DUOX1: variants seen among roughly 807,000 people sequenced by gnomAD.
The protein encoded by DUOX1 is NADPH thyroid oxidase 1.
A neutral mutation model predicts 181.8 loss-of-function variants in DUOX1; 134 were observed. That is an observed-to-expected ratio of 0.74 (90% confidence interval 0.64 to 0.85). The LOEUF is 0.85. Among genes scored for constraint, DUOX1 ranks in the 40% least tolerant of loss-of-function variants. DUOX1 has a pLI of 0.00. For synonymous variants in DUOX1, 798 were observed against 832.5 expected (o/e 0.96, Z 0.71); for missense variants, 1,814 against 2,064.4 (o/e 0.88, Z 2.35).
chr15:45,133,860 A>G lies in DUOX1; in HGVS notation c.59-4A>G, dbSNP rs1355669107. ...AGCTGCCCCTTCCCTCCATTCTCAC[A>G]CAGGAGCTCAGAACCCCATTTCGTG... is the stretch of plus-strand genomic sequence containing the variant. On this transcript the variant is annotated splice_polypyrimidine_tract_variant and splice_region_variant and intron_variant, in intron 2 of 33. Transcript: ENST00000389037. 1.2e-6 allele frequency: 2 copies of G among 1,613,102 alleles called. No homozygotes were observed. Among genetic ancestry groups the G allele is most frequent in the Non-Finnish European group, 1.7e-6 (2 of 1,179,658 alleles).
chr15:45,145,680 C>T (rs935818645), intron 18 of DUOX1, among the ~76,000 whole-genome samples: 9 of 151,950 alleles, frequency 5.9e-5, no homozygotes, highest in African/African-American at 1.7e-4. Flanking sequence ...CTTTGGGAGG[C>T]GGGGCAGGTG....
intron 15 of DUOX1, among the ~76,000 whole-genome samples, chr15:45,142,767 A>AAGGAAGGAAG (rs1896535782): frequency 1.7e-5 from 2 of 115,158 alleles, no homozygotes; most frequent in Non-Finnish European, 3.8e-5. Context: ...AAGGAAGGAA[A>AAGGAAGGAAG]GAAGGAAGGA....
At chr15:45,130,691 G>A (rs947070439) in intron 1 of DUOX1, among the ~76,000 whole-genome samples, 2 of 152,208 alleles carry the variant, frequency 1.3e-5, no homozygotes, top group African/African-American at 4.8e-5. Flanking sequence ...CACAAGGAGT[G>A]GTTATTAAGC....
Position 45,161,725 on chromosome 15 carries a change from C to T in DUOX1, c.3857-13C>T, listed in dbSNP as rs1430963434. 1 of 1,612,000 alleles carries T rather than the reference C, an allele frequency of 6.2e-7. No individual in the cohort carries two copies. Reference sequence around the variant, plus strand: ...TTCAGGGCAGCAGCTTCTCACCCACCATCCCTCCCCAGGAGTGACCCACCT... The same window carrying T: ...TTCAGGGCAGCAGCTTCTCACCCACTATCCCTCCCCAGGAGTGACCCACCT... On this transcript the variant is annotated splice_polypyrimidine_tract_variant and intron_variant, in intron 29 of 33. Coordinates refer to ENST00000389037, the MANE Select transcript of DUOX1 (RefSeq NM_175940.3).
At chr15:45,155,616 G>A in intron 27 of DUOX1, 186 bp from the exon 28 acceptor site, 1 of 674,750 alleles carries the variant, frequency 1.5e-6, no homozygotes, top group Non-Finnish European at 2.4e-6. Flanking sequence ...TATGAAAAGT[G>A]AACAATGTCT....
chr15:45,144,909 C>G lies in DUOX1; in HGVS notation c.2151C>G (p.Asn717Lys). Reference sequence around the variant, plus strand: ...TGCCCCCTTAGGTGCTGCTGTTTAACTTGGAGGAAGAGCGGCAGGCGCTGG... The same window carrying G: ...TGCCCCCTTAGGTGCTGCTGTTTAAGTTGGAGGAAGAGCGGCAGGCGCTGG... ...PKEYDLVLLFNLEEERQALVE... is the reference protein window; with the variant it reads ...PKEYDLVLLFKLEEERQALVE... The change falls in exon 18 of 34, where the codon AAC becomes AAG. Residue 717 changes from asparagine to lysine, a missense_variant. Asn to Lys is a moderately conservative substitution (Grantham distance 94). Coordinates refer to ENST00000389037, the MANE Select transcript of DUOX1 (RefSeq NM_175940.3). 6.2e-7 allele frequency: 1 copy of G among 1,611,308 alleles called. No individual in the cohort carries two copies. The highest frequency in any genetic ancestry group is 8.5e-7 in the Non-Finnish European group (1 of 1,178,942).
chr15:45,156,489 A>G (rs988848404), intron 28 of DUOX1, among the ~76,000 whole-genome samples: 6 of 152,028 alleles, frequency 3.9e-5, no homozygotes, highest in Non-Finnish European at 7.4e-5. Context: ...CTGGAGTGCA[A>G]TGGCATGATC....
chr15:45,163,400 T>C, intron 31 of DUOX1, 132 bp from the exon 32 acceptor site: 1 of 1,352,332 alleles, frequency 7.4e-7, no homozygotes. Flanking sequence ...GCCCATACAC[T>C]CCATCTCCCC....
intron 18 of DUOX1, among the ~76,000 whole-genome samples, chr15:45,146,381 T>A (rs1259912886): frequency 6.6e-6 from 1 of 152,186 alleles, no homozygotes; most frequent in African/African-American, 2.4e-5. Flanking sequence ...GCTGGGTGAC[T>A]CCTTCCCAGA....
rs1420890107 is a variant in DUOX1, at chr15:45,144,079, T to C, written c.1980T>C (p.Leu660=). 6.2e-7 allele frequency: 1 copy of C among 1,613,936 alleles called. No individual in the cohort carries two copies. The highest frequency in any genetic ancestry group is 2.2e-5 in the East Asian group (1 of 44,898). The change falls in exon 17 of 34, where the codon CTT becomes CTC. Residue 660 remains leucine (L), a synonymous_variant. Coordinates refer to ENST00000389037, the MANE Select transcript of DUOX1 (RefSeq NM_175940.3). ...QGHKEPCRPV[L]VYLQPGQIRV... Reference sequence around the variant, plus strand: ...ACAAGGAGCCCTGCCGGCCCGTGCTTGTGTACCTGCAGCCCGGGCAGATCC... The same window carrying C: ...ACAAGGAGCCCTGCCGGCCCGTGCTCGTGTACCTGCAGCCCGGGCAGATCC...
intron 10 of DUOX1, among the ~76,000 whole-genome samples, chr15:45,138,298 A>G (rs1443311924): frequency 6.6e-6 from 1 of 152,158 alleles, no homozygotes; most frequent in African/African-American, 2.4e-5. Context: ...CTGTGCAGGT[A>G]TGGTTCCGCC....
chr15:45,160,226 A>G (rs1352646018), intron 28 of DUOX1, among the ~76,000 whole-genome samples: 1 of 152,192 alleles, frequency 6.6e-6, no homozygotes, highest in Non-Finnish European at 1.5e-5. Context: ...GATGTGGTAG[A>G]GAGGACTGAG....
chr15:45,150,980 T>C, intron 22 of DUOX1, 143 bp from the exon 23 acceptor site: 1 of 1,212,376 alleles, frequency 8.2e-7, no homozygotes, highest in Non-Finnish European at 1.2e-6. Flanking sequence ...ACTCTGTCTA[T>C]AGGTGACTGT....
chr15:45,153,886 CAAAA>C (rs11306605), intron 26 of DUOX1, 61 bp from the exon 27 acceptor site: 197 of 1,150,712 alleles, frequency 1.7e-4, no homozygotes, highest in Middle Eastern at 2.1e-4. Flanking sequence ...GACTCTGCCT[CAAAA>C]AAAAAAAAAA....
At position 45,152,527 on chromosome 15, in the gene DUOX1, G is replaced by C. The variant is rs760749776; in HGVS notation, c.3424+11G>C. On this transcript the variant is annotated intron_variant, in intron 25 of 33. Coordinates refer to ENST00000389037, the MANE Select transcript of DUOX1 (RefSeq NM_175940.3). ...CCATCGTCCTCACAGGCAGGGCCTG[G>C]GTGTCCCTGGGAGGCTCTCCAGGGC... The C allele has an allele frequency of 4.3e-6, 7 of 1,612,594 alleles. No individual in the cohort carries two copies. The highest frequency in any genetic ancestry group is 1.3e-5 in the African/African-American group (1 of 74,778).
Position 45,150,705 on chromosome 15 carries a change from A to G in DUOX1, c.2888+4A>G, listed in dbSNP as rs771538053. ...ACATCAGCCAGGATATGATCTGGTGAGCACCCATCTGGGAATGTCGGGGGG... is the reference window on the plus strand; with the variant it reads ...ACATCAGCCAGGATATGATCTGGTGGGCACCCATCTGGGAATGTCGGGGGG... On this transcript the variant is annotated splice_donor_region_variant and intron_variant, in intron 22 of 33. Coordinates refer to ENST00000389037, the MANE Select transcript of DUOX1 (RefSeq NM_175940.3). The G allele has an allele frequency of 1.2e-6, 2 of 1,613,710 alleles. No individual in the cohort carries two copies. Among genetic ancestry groups the G allele is most frequent in the Non-Finnish European group, 1.7e-6 (2 of 1,179,864 alleles).
intron 1 of DUOX1, 66 bp from the exon 2 acceptor site, chr15:45,131,852 C>T (rs757870551): frequency 9.7e-6 from 11 of 1,135,802 alleles, no homozygotes; most frequent in Non-Finnish European, 1.5e-5. Context: ...TTCACAGAGG[C>T]CTGCAGAGTC....
chr15:45,137,252 C>G (rs1459448521), intron 9 of DUOX1, among the ~76,000 whole-genome samples: 1 of 140,448 alleles, frequency 7.1e-6, no homozygotes, highest in Non-Finnish European at 1.5e-5. Flanking sequence ...CCCAGCTACT[C>G]GGGAGGCTGA....
intron 25 of DUOX1, chr15:45,152,737 C>G: frequency 1.7e-6 from 1 of 600,404 alleles, no homozygotes; most frequent in African/African-American, 1.9e-5. Flanking sequence ...CCAGCCTCAG[C>G]TGACAAGTTA....
Sources: allele counts gnomAD v4.1 joint callset (sites outside exome capture counted in the v4.1 genomes callset), GRCh38; gene constraint gnomAD v4.1.1; transcripts MANE v1.5; gene names NCBI Gene and HGNC (gene_info 2026-07-23, HGNC 2026-07-21).